Variants in UNC5C observed in about 807,000 individuals in gnomAD.
UNC5C encodes the protein unc-5 netrin receptor C.
UNC5C carries 47 observed loss-of-function variants against 99.8 expected under a neutral mutation model. The ratio of observed to expected loss-of-function variants is 0.47; its 90% CI spans 0.37 to 0.60. The LOEUF is 0.60. UNC5C is among the 20% of genes least tolerant of loss of function. UNC5C has a pLI of 0.00. For missense variants in UNC5C, 1,062 were observed against 1,165.9 expected (o/e 0.91, Z 1.30); for synonymous variants, 487 against 452.2 (o/e 1.08, Z -0.98).
intron 1 of UNC5C, among the ~76,000 whole-genome samples, chr4:95,443,959 C>A (rs1747022272): frequency 6.6e-6 from 1 of 152,088 alleles, no homozygotes; most frequent in South Asian, 2.1e-4. Flanking sequence ...ATATATTAAT[C>A]CATTAAGACT....
At chr4:95,234,524 C>A (rs1739035595) in intron 7 of UNC5C, among the ~76,000 whole-genome samples, 1 of 152,062 alleles carries the variant, frequency 6.6e-6, no homozygotes, top group Non-Finnish European at 1.5e-5. Context: ...CAATCCATGT[C>A]ATTTAGTGTA....
intron 1 of UNC5C, among the ~76,000 whole-genome samples, chr4:95,363,552 T>C (rs757227721): frequency 1.3e-5 from 2 of 152,012 alleles, no homozygotes; most frequent in Non-Finnish European, 2.9e-5. Context: ...TGTGTTTTGA[T>C]AGTGATTAAT....
At chr4:95,225,195 T>A (rs1738638324) in intron 7 of UNC5C, among the ~76,000 whole-genome samples, 1 of 152,172 alleles carries the variant, frequency 6.6e-6, no homozygotes, top group African/African-American at 2.4e-5. Flanking sequence ...TGGCTGGGAT[T>A]ACAGGTGTGC....
chr4:95,316,410 G>T (rs1742477908), intron 2 of UNC5C, among the ~76,000 whole-genome samples: 1 of 152,134 alleles, frequency 6.6e-6, no homozygotes, highest in Admixed American at 6.5e-5. Flanking sequence ...AAACCGTGGG[G>T]CTCTCAGGAT....
intron 4 of UNC5C, among the ~76,000 whole-genome samples, chr4:95,251,853 T>C (rs889239683): frequency 5.9e-5 from 9 of 152,114 alleles, no homozygotes; most frequent in African/African-American, 2.2e-4. Context: ...CCTCTAATCC[T>C]TAGAAGAGAA....
intron 1 of UNC5C, among the ~76,000 whole-genome samples, chr4:95,469,150 T>C (rs10856914): frequency 0.4 from 60,184 of 151,944 alleles, 12,184 homozygotes; most frequent in Non-Finnish European, 0.41. Context: ...AGTAAATTTC[T>C]TTTGCGGCAT....
intron 1 of UNC5C, among the ~76,000 whole-genome samples, chr4:95,542,537 ATG>A (rs1166900657): frequency 6.6e-6 from 1 of 152,046 alleles, no homozygotes; most frequent in African/African-American, 2.4e-5. Flanking sequence ...AAGGGGAGGT[ATG>A]TTTTAAATAC....
intron 1 of UNC5C, among the ~76,000 whole-genome samples, chr4:95,409,221 A>T (rs1745909939): frequency 6.6e-6 from 1 of 152,180 alleles, no homozygotes; most frequent in Non-Finnish European, 1.5e-5. Flanking sequence ...TTCCAATGAC[A>T]AAAAAGACTC....
intron 3 of UNC5C, among the ~76,000 whole-genome samples, chr4:95,284,403 T>C (rs956105509): frequency 7.9e-5 from 12 of 152,134 alleles, no homozygotes; most frequent in African/African-American, 2.4e-4. Context: ...AGCTTATCCT[T>C]TGTGGAGTAA....
chr4:95,356,058 C>A (rs1210000097), intron 1 of UNC5C, among the ~76,000 whole-genome samples: 8 of 151,660 alleles, frequency 5.3e-5, no homozygotes, highest in Non-Finnish European at 1.5e-5. Context: ...GGTGTGGTGG[C>A]ACCCACCTGT....
intron 1 of UNC5C, among the ~76,000 whole-genome samples, chr4:95,467,852 T>C (rs1024370349): frequency 6.6e-6 from 1 of 152,180 alleles, no homozygotes; most frequent in African/African-American, 2.4e-5. Flanking sequence ...CTTTATACTG[T>C]ATTTTTACAA....
Position 95,365,034 on chromosome 4 carries a change from C to A in UNC5C, c.125-29403G>T, listed in dbSNP as rs952560960. Reference sequence around the variant, plus strand: ...TTTAGGTCGGGTGCAGTGGCTCACACCTGTAATCCCAGCACTTTGGGAGTC... The same window carrying A: ...TTTAGGTCGGGTGCAGTGGCTCACAACTGTAATCCCAGCACTTTGGGAGTC... On this transcript the variant is annotated intron_variant, in intron 1 of 15. Transcript: ENST00000453304. 3.3e-5 allele frequency among the ~76,000 whole-genome samples: 5 copies of A among 151,388 alleles called. No individual in the cohort carries two copies. The South Asian group carries it at 8.3e-4, about 25-fold the overall frequency.
chr4:95,412,936 G>T (rs1044798769), intron 1 of UNC5C, among the ~76,000 whole-genome samples: 1 of 152,166 alleles, frequency 6.6e-6, no homozygotes, highest in Middle Eastern at 3.2e-3. Flanking sequence ...TCCCTGGCAT[G>T]AGTACTTACT....
chr4:95,379,965 C>T (rs1178393670), intron 1 of UNC5C, among the ~76,000 whole-genome samples: 2 of 152,128 alleles, frequency 1.3e-5, no homozygotes, highest in African/African-American at 4.8e-5. Context: ...GGCTGCATGA[C>T]GTAAAATGAT....
rs528629701 is a variant in UNC5C, at chr4:95,341,794, C to T, written c.125-6163G>A. On this transcript the variant is annotated intron_variant, in intron 1 of 15. Coordinates refer to ENST00000453304, the MANE Select transcript of UNC5C (RefSeq NM_003728.4). ...CAGTCTTGAATTGTTAATGTCACCA[C>T]TCTCCCAACTCCCAGCAGTAGCTGT... 7.7e-4 allele frequency among the ~76,000 whole-genome samples: 117 copies of T among 152,256 alleles called. 1 individual carries two copies. The highest frequency in any genetic ancestry group is 2.8e-3 in the African/African-American group (117 of 41,554).
intron 1 of UNC5C, among the ~76,000 whole-genome samples, chr4:95,468,551 T>C (rs937357497): frequency 1.2e-4 from 18 of 152,204 alleles, no homozygotes; most frequent in African/African-American, 4.1e-4. Flanking sequence ...GGCACAGTTT[T>C]CTCCAGCAGG....
chr4:95,257,966 TTC>T (rs1176141077), intron 4 of UNC5C, among the ~76,000 whole-genome samples: 7 of 152,204 alleles, frequency 4.6e-5, no homozygotes, highest in Non-Finnish European at 1.0e-4. Flanking sequence ...GTGAGAATAA[TTC>T]TGTTTATCAT....
chr4:95,218,583 G>A (rs1738345864), intron 9 of UNC5C, among the ~76,000 whole-genome samples: 1 of 152,172 alleles, frequency 6.6e-6, no homozygotes, highest in Admixed American at 6.5e-5. Context: ...GCTTCATGTA[G>A]TAAATTGGAA....
At chr4:95,535,560 T>G (rs888128155) in intron 1 of UNC5C, among the ~76,000 whole-genome samples, 11 of 152,210 alleles carry the variant, frequency 7.2e-5, no homozygotes, top group African/African-American at 2.4e-4. Flanking sequence ...ATGTAAATAC[T>G]ATTATTATTG....
Sources: gnomAD v4.1 joint callset for allele counts (sites outside exome capture counted in the v4.1 genomes callset) on GRCh38, gnomAD v4.1.1 for gene constraint, MANE v1.5 for transcripts, NCBI Gene and HGNC (gene_info 2026-07-23, HGNC 2026-07-21) for gene names.